NRIP1: variants seen among roughly 807,000 people sequenced by gnomAD.
NRIP1 encodes nuclear receptor-interacting protein 1.
In NRIP1, 28 loss-of-function variants were observed where a neutral mutation model predicts 75.0. That is an observed-to-expected ratio of 0.37 (90% CI 0.28 to 0.51). NRIP1 has a LOEUF of 0.51. Ranked by LOEUF, NRIP1 falls within the 20% of genes least tolerant of loss-of-function variation. The pLI is 0.92. For synonymous variants in NRIP1, 526 were observed against 487.6 expected (o/e 1.08, Z -1.04); for missense variants, 1,435 against 1,343.7 (o/e 1.07, Z -1.06).
chr21:14,996,418 C>T lies in NRIP1; in HGVS notation c.-335+17926G>A, dbSNP rs1037871732. Among the ~76,000 whole-genome samples the T allele has an allele frequency of 3.3e-5, 5 of 152,154 alleles. No individual in the cohort carries two copies. The South Asian group carries it at 1.0e-3, about 32-fold the overall frequency. ...AGTGGTTCTCTCTTTTGAGAAAGTT[C>T]TTTCTGGCTTTCTTATGGCTGCCTC... On this transcript the variant is annotated intron_variant, in intron 3 of 3. Coordinates refer to ENST00000318948, the MANE Select transcript of NRIP1 (RefSeq NM_003489.4).
chr21:15,061,716 C>G (rs1207851453), intron 1 of NRIP1, among the ~76,000 whole-genome samples: 7 of 152,192 alleles, frequency 4.6e-5, no homozygotes, highest in Non-Finnish European at 8.8e-5. Context: ...ACAGTTAGAA[C>G]ATGAGCTTTT....
intron 3 of NRIP1, among the ~76,000 whole-genome samples, chr21:14,975,829 C>A (rs1315865145): frequency 3.3e-5 from 5 of 151,310 alleles, no homozygotes; most frequent in African/African-American, 1.2e-4. Context: ...AAATTCATTG[C>A]CAAAATGGTA....
intron 3 of NRIP1, among the ~76,000 whole-genome samples, chr21:14,993,176 TGA>T (rs2147080589): frequency 6.6e-6 from 1 of 151,412 alleles, no homozygotes; most frequent in South Asian, 2.1e-4. Context: ...TTATCAGTGG[TGA>T]GTCTGGAGAT....
intron 3 of NRIP1, among the ~76,000 whole-genome samples, chr21:15,013,471 G>T (rs779863315): frequency 6.6e-6 from 1 of 152,180 alleles, no homozygotes; most frequent in Non-Finnish European, 1.5e-5. Context: ...TCAGCATGCT[G>T]TATCTGCTCT....
At chr21:15,021,160 A>T (rs1162206096) in intron 2 of NRIP1, among the ~76,000 whole-genome samples, 1 of 152,232 alleles carries the variant, frequency 6.6e-6, no homozygotes, top group Non-Finnish European at 1.5e-5. Flanking sequence ...TAAACAAAAC[A>T]AATGCCCATC....
chr21:14,989,116 C>T (rs111821616), intron 3 of NRIP1, among the ~76,000 whole-genome samples: 137 of 152,300 alleles, frequency 9.0e-4, no homozygotes, highest in African/African-American at 3.2e-3. Context: ...AATCACACCA[C>T]CCCTAAGATA....
intron 3 of NRIP1, among the ~76,000 whole-genome samples, chr21:15,005,414 C>G (rs2087941618): frequency 6.6e-6 from 1 of 152,142 alleles, no homozygotes; most frequent in Admixed American, 6.5e-5. Context: ...CAGTTCCTCA[C>G]TAAAGGAAGT....
At chr21:14,986,933 T>C (rs1022122930) in intron 3 of NRIP1, among the ~76,000 whole-genome samples, 1 of 152,208 alleles carries the variant, frequency 6.6e-6, no homozygotes. Flanking sequence ...GCATGTAAAG[T>C]AATTCTCCAA....
chr21:14,996,527 AT>A lies in NRIP1; in HGVS notation c.-335+17816del, dbSNP rs143483922. Among the ~76,000 whole-genome samples the A allele has an allele frequency of 1.7e-3, 262 of 152,210 alleles. 1 individual carries two copies. Among genetic ancestry groups the A allele is most frequent in the African/African-American group, 5.8e-3 (239 of 41,530 alleles). On this transcript the variant is annotated intron_variant, in intron 3 of 3. Transcript: ENST00000318948. ...ATGACTTTAGGCAAACAGTCTCCCC[AT>A]TTTATTCCCTAGCAGAGCACCTCGG...
chr21:15,019,371 T>C (rs1331321206), intron 2 of NRIP1, among the ~76,000 whole-genome samples: 1 of 149,904 alleles, frequency 6.7e-6, no homozygotes, highest in Non-Finnish European at 1.5e-5. Context: ...AACATGATCT[T>C]GCTTGCCAAT....
intron 3 of NRIP1, among the ~76,000 whole-genome samples, chr21:14,971,300 A>AAC (rs2086896777): frequency 1.3e-5 from 2 of 152,204 alleles, no homozygotes; most frequent in Admixed American, 1.3e-4. Flanking sequence ...TTGACATTCA[A>AAC]ACACACACAT....
At chr21:14,997,190 G>A (rs2147100386) in intron 3 of NRIP1, among the ~76,000 whole-genome samples, 1 of 152,248 alleles carries the variant, frequency 6.6e-6, no homozygotes, top group Admixed American at 6.5e-5. Flanking sequence ...AGGAAACTAT[G>A]AGTGATATTT....
chr21:15,050,748 C>T (rs886508204), intron 1 of NRIP1: 12 of 455,918 alleles, frequency 2.6e-5, no homozygotes, highest in Non-Finnish European at 3.1e-5. Flanking sequence ...GAAGAGATTG[C>T]CCCTCTAGGG....
intron 3 of NRIP1, among the ~76,000 whole-genome samples, chr21:14,973,826 G>A (rs1681315450): frequency 6.7e-6 from 1 of 148,330 alleles, no homozygotes; most frequent in African/African-American, 2.5e-5. Flanking sequence ...ACAGGTGTGT[G>A]CCACCATGCA....
chr21:14,996,383 C>T (rs371536729), intron 3 of NRIP1, among the ~76,000 whole-genome samples: 5 of 152,116 alleles, frequency 3.3e-5, no homozygotes, highest in South Asian at 2.1e-4. Flanking sequence ...GGTCTTTGGG[C>T]GTCTGTGTGA....
In NRIP1 at chr21:14,963,562, CAT is replaced by C. The variant is rs1230630583; in HGVS notation, c.*1152_*1153del. 6.6e-6 allele frequency: 1 copy of C among 152,440 alleles called. No homozygotes were observed. The highest frequency in any genetic ancestry group is 1.5e-5 in the Non-Finnish European group (1 of 68,016). 9.4% of individuals were successfully genotyped at this position (152,440 alleles called of 1,614,324 possible). A position where few individuals can be genotyped will look rare whatever the true frequency, so the allele number is the denominator to read the frequency against. ...TGTATTGGGGAAAATAGAGGCATCA[CAT>C]AGTTTTTTGTTTTTGTTTTACAGTC... On this transcript the variant is annotated 3_prime_UTR_variant, in exon 4 of 4. Transcript: ENST00000318948.
At chr21:15,050,781 C>G (rs2089183942) in intron 1 of NRIP1, 1 of 455,914 alleles carries the variant, frequency 2.2e-6, no homozygotes, top group Non-Finnish European at 4.4e-6. Context: ...TTAGAGAAGG[C>G]AAAGGACTCA....
chr21:15,023,312 T>C (rs1486509595), intron 2 of NRIP1, among the ~76,000 whole-genome samples: 2 of 152,234 alleles, frequency 1.3e-5, no homozygotes, highest in Non-Finnish European at 2.9e-5. Context: ...AGATCTCTAA[T>C]CTTACTTGTG....
intron 3 of NRIP1, among the ~76,000 whole-genome samples, chr21:14,983,712 G>A (rs1281187053): frequency 6.6e-6 from 1 of 152,200 alleles, no homozygotes; most frequent in African/African-American, 2.4e-5. Context: ...GATGAAGCTG[G>A]AACTTGAGGT....
Sources: allele counts gnomAD v4.1 joint callset (sites outside exome capture counted in the v4.1 genomes callset), GRCh38; gene constraint gnomAD v4.1.1; transcripts MANE v1.5; gene names NCBI Gene and HGNC (gene_info 2026-07-23, HGNC 2026-07-21).